ADAMTS12: variants seen among roughly 807,000 people sequenced by gnomAD.
ADAMTS12 encodes ADAM metallopeptidase with thrombospondin type 1 motif 12, also known as A disintegrin and metalloproteinase with thrombospondin motifs 12.
Under a neutral mutation model 167.8 loss-of-function variants are expected in ADAMTS12, and 118 were observed. The ratio of observed to expected loss-of-function variants is 0.70; its 90% CI spans 0.61 to 0.82. The LOEUF is 0.82. Among genes scored for constraint, ADAMTS12 ranks in the 40% least tolerant of loss-of-function variants. The pLI is 0.00. For missense variants in ADAMTS12, 1,916 were observed against 1,998.8 expected, an observed-to-expected ratio of 0.96 and a Z score of 0.79; for synonymous variants, 704 against 716.9, an observed-to-expected ratio of 0.98 and a Z score of 0.29.
intron 2 of ADAMTS12, among the ~76,000 whole-genome samples, chr5:33,779,193 T>C (rs959676335): frequency 6.6e-6 from 1 of 151,284 alleles, no homozygotes; most frequent in Non-Finnish European, 1.5e-5. Context: ...TATTTTTTTT[T>C]TTTTTTTTTT....
In ADAMTS12 at chr5:33,648,842, T is replaced by C; in HGVS notation, c.1459A>G (p.Thr487Ala). 1.2e-6 allele frequency: 2 copies of C among 1,613,956 alleles called. No individual in the cohort carries two copies. The highest frequency in any genetic ancestry group is 1.7e-6 in the Non-Finnish European group (2 of 1,179,934). ...CTTACTTCTACTTCCTGGCAGAAGG[T>C]AGCATTGGGTCCATATTGTAGCTGG... ...QCQLQYGPNA[T>A]FCQEVENVCQ... The change falls in exon 9 of 24, where the codon ACC (threonine) becomes GCC (alanine). Residue 487 changes from threonine (T) to alanine (A), a missense_variant. Physicochemically the swap from Thr to Ala is moderately conservative, Grantham distance 58. Coordinates refer to ENST00000504830, the MANE Select transcript of ADAMTS12 (RefSeq NM_030955.4).
At chr5:33,708,492 C>A (rs1743276719) in intron 3 of ADAMTS12, among the ~76,000 whole-genome samples, 1 of 152,148 alleles carries the variant, frequency 6.6e-6, no homozygotes, top group Non-Finnish European at 1.5e-5. Flanking sequence ...AAGACACATG[C>A]ACACATATAT....
chr5:33,595,316 G>C (rs67332343), intron 17 of ADAMTS12, among the ~76,000 whole-genome samples: 16,632 of 152,114 alleles, frequency 0.11, 984 homozygotes, highest in Middle Eastern at 0.17. Context: ...ATTTTACCCC[G>C]TAGTGGAAAT....
chr5:33,659,717 A>T (rs1741187606), intron 6 of ADAMTS12, among the ~76,000 whole-genome samples: 1 of 152,226 alleles, frequency 6.6e-6, no homozygotes, highest in South Asian at 2.1e-4. Flanking sequence ...TGCAGCAGCC[A>T]CTAGCTGCAC....
At chr5:33,706,217 T>C (rs1743196350) in intron 3 of ADAMTS12, among the ~76,000 whole-genome samples, 1 of 152,170 alleles carries the variant, frequency 6.6e-6, no homozygotes, top group South Asian at 2.1e-4. Context: ...TCTCATGAGA[T>C]GCTTGGCCCA....
At chr5:33,784,516 G>A (rs1304164973) in intron 2 of ADAMTS12, among the ~76,000 whole-genome samples, 1 of 150,234 alleles carries the variant, frequency 6.7e-6, no homozygotes, top group Non-Finnish European at 1.5e-5. Flanking sequence ...TAACAGGTCA[G>A]TATAAAAAAA....
chr5:33,625,704 G>C (rs2112126161), intron 13 of ADAMTS12, among the ~76,000 whole-genome samples: 1 of 152,206 alleles, frequency 6.6e-6, no homozygotes, highest in African/African-American at 2.4e-5. Flanking sequence ...TGAGAGACAA[G>C]GGTTGGGGGA....
intron 2 of ADAMTS12, among the ~76,000 whole-genome samples, chr5:33,774,096 C>A (rs1458035699): frequency 1.3e-5 from 2 of 152,122 alleles, no homozygotes; most frequent in African/African-American, 4.8e-5. Context: ...TTGCACCAAC[C>A]AGTATATTAG....
chr5:33,794,365 G>T (rs1364620440), intron 2 of ADAMTS12, among the ~76,000 whole-genome samples: 1 of 152,182 alleles, frequency 6.6e-6, no homozygotes, highest in African/African-American at 2.4e-5. Flanking sequence ...AGTCGATCTG[G>T]AGCTAAAATT....
At chr5:33,746,042 A>C (rs1263902520) in intron 3 of ADAMTS12, among the ~76,000 whole-genome samples, 9 of 152,224 alleles carry the variant, frequency 5.9e-5, no homozygotes. Context: ...ACAGAAGAAA[A>C]AATAAAAAAC....
chr5:33,566,015 G>A (rs1463854546), intron 19 of ADAMTS12, among the ~76,000 whole-genome samples: 1 of 152,090 alleles, frequency 6.6e-6, no homozygotes, highest in Admixed American at 6.5e-5. Context: ...AAAGTGAAGA[G>A]GATGGGGAAA....
intron 22 of ADAMTS12, 48 bp downstream of exon 22, chr5:33,546,008 TAAA>T (rs11338120): frequency 5.5e-4 from 761 of 1,378,146 alleles, no homozygotes; most frequent in South Asian, 2.1e-3. Flanking sequence ...CTTAAAGTAT[TAAA>T]AAAAAAAAAA....
intron 3 of ADAMTS12, among the ~76,000 whole-genome samples, chr5:33,699,505 C>G (rs1187310622): frequency 1.3e-5 from 2 of 151,956 alleles, no homozygotes; most frequent in Admixed American, 6.6e-5. Context: ...GGATGAAGGA[C>G]TAGGCCACGA....
chr5:33,676,707 C>CACACAGAGAGAGAG (rs879440613), intron 5 of ADAMTS12, among the ~76,000 whole-genome samples: 41 of 149,018 alleles, frequency 2.8e-4, no homozygotes, highest in African/African-American at 1.0e-3. Context: ...CACACACACA[C>CACACAGAGAGAGAG]AGAGAGAGAG....
At chr5:33,612,237 A>C (rs1373657918) in intron 16 of ADAMTS12, among the ~76,000 whole-genome samples, 1 of 152,210 alleles carries the variant, frequency 6.6e-6, no homozygotes, top group Non-Finnish European at 1.5e-5. Flanking sequence ...TTTCCCATTA[A>C]GGCTTAGTAA....
At chr5:33,690,170 C>T (rs1292887775) in intron 3 of ADAMTS12, among the ~76,000 whole-genome samples, 1 of 152,240 alleles carries the variant, frequency 6.6e-6, no homozygotes, top group Non-Finnish European at 1.5e-5. Flanking sequence ...AAGGGCTGAG[C>T]AGCCCGAGGG....
At chr5:33,755,089 C>T (rs954783594) in intron 2 of ADAMTS12, among the ~76,000 whole-genome samples, 1 of 152,126 alleles carries the variant, frequency 6.6e-6, no homozygotes, top group Non-Finnish European at 1.5e-5. Flanking sequence ...CAATAACATC[C>T]CCCAAGGGTA....
At chr5:33,575,870 A>AT (rs923922030) in intron 19 of ADAMTS12, among the ~76,000 whole-genome samples, 184 bp downstream of exon 19, 7 of 152,094 alleles carry the variant, frequency 4.6e-5, no homozygotes, top group East Asian at 1.9e-4. Flanking sequence ...AATTTACATA[A>AT]TTTTTTTTCC....
intron 3 of ADAMTS12, among the ~76,000 whole-genome samples, chr5:33,714,103 G>A (rs1271533571): frequency 6.6e-6 from 1 of 152,092 alleles, no homozygotes; most frequent in Non-Finnish European, 1.5e-5. Flanking sequence ...TTCTTTTAGA[G>A]AGTTTTACAA....
Sources: allele counts gnomAD v4.1 joint callset (sites outside exome capture counted in the v4.1 genomes callset), GRCh38; gene constraint gnomAD v4.1.1; transcripts MANE v1.5; gene names NCBI Gene and HGNC (gene_info 2026-07-23, HGNC 2026-07-21).